The following CSMD1 variants were observed in gnomAD, a reference collection of about 807,000 sequenced individuals.
CSMD1 encodes the protein CUB and Sushi multiple domains 1.
CSMD1 carries 213 observed loss-of-function variants against 417.5 expected under a neutral mutation model. That is an observed-to-expected ratio of 0.51 (90% CI 0.46 to 0.57). The LOEUF is 0.57. Ranked by LOEUF, CSMD1 falls within the 20% of genes least tolerant of loss-of-function variation. The pLI is 0.00. For missense variants in CSMD1, 6,923 were observed against 4,529.7 expected, an observed-to-expected ratio of 1.53 and a Z score of -15.17; for synonymous variants, 2,862 against 1,736.8, an observed-to-expected ratio of 1.65 and a Z score of -16.11.
chr8:4,588,604 G>A (rs1189093691), intron 2 of CSMD1, among the ~76,000 whole-genome samples: 3 of 151,902 alleles, frequency 2.0e-5, no homozygotes, highest in Non-Finnish European at 4.4e-5. Flanking sequence ...GGTTAACACG[G>A]TGAAACCCCA....
At chr8:3,506,432 G>A (rs1165909653) in intron 10 of CSMD1, among the ~76,000 whole-genome samples, 2 of 152,100 alleles carry the variant, frequency 1.3e-5, no homozygotes, top group South Asian at 2.1e-4. Context: ...TGCCGAATGG[G>A]TAAGTACTCA....
chr8:3,474,526 G>A (rs1817297374), intron 11 of CSMD1, among the ~76,000 whole-genome samples: 1 of 152,174 alleles, frequency 6.6e-6, no homozygotes, highest in Non-Finnish European at 1.5e-5. Context: ...TTTCTTAAAA[G>A]TGTGTATAGT....
At chr8:3,452,392 G>A (rs1357017451) in intron 12 of CSMD1, among the ~76,000 whole-genome samples, 1 of 152,170 alleles carries the variant, frequency 6.6e-6, no homozygotes, top group Admixed American at 6.5e-5. Flanking sequence ...CCTGTCTTGT[G>A]CCAGTTTTGA....
chr8:3,984,400 T>G (rs1187036110), intron 5 of CSMD1, among the ~76,000 whole-genome samples: 1 of 152,156 alleles, frequency 6.6e-6, no homozygotes, highest in Admixed American at 6.5e-5. Context: ...AATTCTAAAC[T>G]GGTGAGTACT....
intron 6 of CSMD1, among the ~76,000 whole-genome samples, chr8:3,724,235 A>T (rs975744738): frequency 2.6e-5 from 4 of 151,814 alleles, no homozygotes; most frequent in African/African-American, 9.7e-5. Context: ...TTTAGGGTAC[A>T]TGTGCACATT....
intron 3 of CSMD1, among the ~76,000 whole-genome samples, chr8:4,368,501 G>C (rs1183402988): frequency 2.0e-5 from 3 of 152,260 alleles, no homozygotes; most frequent in South Asian, 2.1e-4. Flanking sequence ...GACTTAGAGA[G>C]AAGTCCCTCT....
At chr8:4,018,024 A>T (rs890084692) in intron 4 of CSMD1, among the ~76,000 whole-genome samples, 1 of 152,166 alleles carries the variant, frequency 6.6e-6, no homozygotes, top group Non-Finnish European at 1.5e-5. Flanking sequence ...TCCACTCGTA[A>T]CTGTCATACC....
rs374263530 is a variant in CSMD1, at chr8:3,201,728, A to G, written c.4985-3T>C. On this transcript the variant is annotated splice_region_variant and splice_polypyrimidine_tract_variant and intron_variant, in intron 31 of 69. Coordinates refer to ENST00000635120, the MANE Select transcript of CSMD1 (RefSeq NM_033225.6). ...ATAGGCAAACTGTCCAAAGACCACT[A>G]AAAAATAAGAGGTGGGATGTTGGCA... 106 of 1,568,854 alleles carry G rather than the reference A, an allele frequency of 6.8e-5. No homozygotes were observed. The African/African-American group carries it at 1.2e-3, about 18-fold the overall frequency.
rs1350712621 is a variant in CSMD1, at chr8:4,152,187, T to C, written c.416-120088A>G. On this transcript the variant is annotated intron_variant, in intron 3 of 69. Coordinates refer to ENST00000635120, the MANE Select transcript of CSMD1 (RefSeq NM_033225.6). ...TATAAAACTGTAGCTAACATAGTTC[T>C]TACATCTTTGGAGAAGAAGGAACAC... 6.6e-5 allele frequency among the ~76,000 whole-genome samples: 10 copies of C among 152,298 alleles called. No homozygotes were observed. The East Asian group carries it at 1.7e-3, about 26-fold the overall frequency.
At chr8:4,735,786 G>C (rs974298843) in intron 1 of CSMD1, among the ~76,000 whole-genome samples, 2 of 152,112 alleles carry the variant, frequency 1.3e-5, no homozygotes, top group African/African-American at 2.4e-5. Context: ...TTGAATTTTA[G>C]AGGAATTTTT....
chr8:4,944,734 A>T (rs554277834), intron 1 of CSMD1, among the ~76,000 whole-genome samples: 2 of 152,196 alleles, frequency 1.3e-5, no homozygotes, highest in African/African-American at 4.8e-5. Flanking sequence ...AAATAAATCA[A>T]TAAAAACAAA....
In CSMD1 at chr8:4,022,894, G is replaced by C. The variant is rs1223851811; in HGVS notation, c.610+9011C>G. ...ATAGTTAAGAAGCAGAAAATACATG[G>C]ATTATTGTGATGAAAGCAAGTGTGC... On this transcript the variant is annotated intron_variant, in intron 4 of 69. Transcript: ENST00000635120. Among the ~76,000 whole-genome samples the C allele has an allele frequency of 2.6e-5, 4 of 152,282 alleles. No homozygotes were observed. In the East Asian group the frequency reaches 5.8e-4, roughly 22 times the overall value.
At chr8:4,049,070 T>C (rs1218219058) in intron 3 of CSMD1, among the ~76,000 whole-genome samples, 4 of 152,206 alleles carry the variant, frequency 2.6e-5, no homozygotes, top group Admixed American at 2.6e-4. Flanking sequence ...CCTTTCATGG[T>C]TAGGAATTGC....
chr8:4,483,651 G>C (rs1222869491), intron 2 of CSMD1, among the ~76,000 whole-genome samples: 1 of 152,078 alleles, frequency 6.6e-6, no homozygotes, highest in East Asian at 1.9e-4. Context: ...TGATTTTTGG[G>C]CTAAACACAT....
At chr8:3,349,914 TTA>T (rs1314541288) in intron 21 of CSMD1, among the ~76,000 whole-genome samples, 3 of 144,386 alleles carry the variant, frequency 2.1e-5, no homozygotes, top group South Asian at 4.3e-4. Flanking sequence ...TTATATATAT[TTA>T]TATATTATAT....
intron 1 of CSMD1, among the ~76,000 whole-genome samples, chr8:4,712,183 T>A (rs1158919947): frequency 6.6e-6 from 1 of 152,194 alleles, no homozygotes; most frequent in East Asian, 1.9e-4. Flanking sequence ...TTCTTCAGGC[T>A]CAAATGTCTG....
rs369908809 is a variant in CSMD1, at chr8:3,151,377, T to C, written c.6031+20A>G. The C allele has an allele frequency of 3.2e-4, 476 of 1,481,118 alleles. No individual in the cohort carries two copies. The African/African-American group carries it at 5.9e-3, about 18-fold the overall frequency. The allele number at this position is 1,481,118 out of a possible 1,614,324, so 91.7% of individuals were successfully genotyped here. A position where few individuals can be genotyped will look rare whatever the true frequency, so the allele number is the denominator to read the frequency against. ...AATGAAAAAAATGAACTTTTAGGAA[T>C]TGGTAACATTTTCACTTACCATAGC... On this transcript the variant is annotated intron_variant, in intron 40 of 69. Transcript: ENST00000635120.
chr8:4,892,768 T>TATA (rs1244881773), intron 1 of CSMD1, among the ~76,000 whole-genome samples: 2 of 152,208 alleles, frequency 1.3e-5, no homozygotes, highest in East Asian at 3.9e-4. Context: ...CTTTGTATTA[T>TATA]ATAATAATAA....
intron 5 of CSMD1, among the ~76,000 whole-genome samples, chr8:3,919,763 G>C (rs1178908854): frequency 6.6e-6 from 1 of 152,028 alleles, no homozygotes; most frequent in South Asian, 2.1e-4. Flanking sequence ...TCCAATCCAG[G>C]AACACAAGCT....
Sources: gnomAD v4.1 joint callset for allele counts (sites outside exome capture counted in the v4.1 genomes callset) on GRCh38, gnomAD v4.1.1 for gene constraint, MANE v1.5 for transcripts, NCBI Gene and HGNC (gene_info 2026-07-23, HGNC 2026-07-21) for gene names.